Variants in GLYATL3 observed in about 807,000 individuals in gnomAD.
GLYATL3 encodes glycine-N-acyltransferase like 3.
A neutral mutation model predicts 28.5 loss-of-function variants in GLYATL3; 31 were observed. The observed-to-expected ratio is 1.09, with a 90% CI of 0.82 to 1.47. GLYATL3 has a LOEUF of 1.47. Ranked by LOEUF, GLYATL3 falls within the 40% of genes most tolerant of loss-of-function variation. The pLI is 0.00. For synonymous variants in GLYATL3, 141 were observed against 140.2 expected (o/e 1.01, Z -0.04); for missense variants, 369 against 351.5 (o/e 1.05, Z -0.40).
chr6:49,522,978 A>C (rs1561980272), intron 5 of GLYATL3, among the ~76,000 whole-genome samples: 1 of 152,046 alleles, frequency 6.6e-6, no homozygotes, highest in Admixed American at 6.6e-5. Flanking sequence ...AACTCTAAAA[A>C]ATGAGTCTTA....
chr6:49,503,271 A>G (rs1272157746), intron 1 of GLYATL3, among the ~76,000 whole-genome samples: 1 of 152,208 alleles, frequency 6.6e-6, no homozygotes, highest in Non-Finnish European at 1.5e-5. Flanking sequence ...ATAGTAGTGT[A>G]AATCAATCTG....
At position 49,512,078 on chromosome 6, in the gene GLYATL3, A is replaced by C. The variant is rs1373096501; in HGVS notation, c.78+10A>C. 9.3e-7 allele frequency: 1 copy of C among 1,079,750 alleles called. No homozygotes were observed. The highest frequency in any genetic ancestry group is 2.6e-5 in the East Asian group (1 of 38,488). The allele number at this position is 1,079,750 out of a possible 1,614,324, so 66.9% of individuals were successfully genotyped here. A position where few individuals can be genotyped will look rare whatever the true frequency, so the allele number is the denominator to read the frequency against. ...TCCTGAATCACTCAAGGTACCATAA[A>C]ATTAATAATTTTATTTTATTTCTTT... On this transcript the variant is annotated intron_variant, in intron 2 of 5. Transcript: ENST00000371197.
chr6:49,503,673 C>A (rs1768955883), intron 1 of GLYATL3, among the ~76,000 whole-genome samples: 1 of 152,150 alleles, frequency 6.6e-6, no homozygotes, highest in Non-Finnish European at 1.5e-5. Context: ...AATTTGTCAG[C>A]ATTTGAAGAC....
rs1377985399 is a variant in GLYATL3 at position 49,527,884 on chromosome 6, C to A, written c.*970C>A. Among the ~76,000 whole-genome samples the A allele has an allele frequency of 1.3e-5, 2 of 151,730 alleles. No homozygotes were observed. The highest frequency in any genetic ancestry group is 2.9e-5 in the Non-Finnish European group (2 of 67,946). ...ATTTTGATAAGATAATAAATTTTAA[C>A]CCTTTGATTACATATGAAAAATTTG... On this transcript the variant is annotated 3_prime_UTR_variant, in exon 6 of 6. Transcript: ENST00000371197.
chr6:49,517,666 C>T (rs1293835871), intron 4 of GLYATL3, 110 bp downstream of exon 4: 5 of 759,176 alleles, frequency 6.6e-6, no homozygotes, highest in East Asian at 5.9e-5. Flanking sequence ...ATTATCTATA[C>T]ACACCTGTAT....
chr6:49,512,472 T>C (rs571486855), intron 2 of GLYATL3, among the ~76,000 whole-genome samples: 1 of 152,128 alleles, frequency 6.6e-6, no homozygotes, highest in Non-Finnish European at 1.5e-5. Context: ...CCCTGGAAAC[T>C]ACACTTTTCA....
chr6:49,522,666 C>A (rs1022959982), intron 5 of GLYATL3, among the ~76,000 whole-genome samples: 3 of 152,090 alleles, frequency 2.0e-5, no homozygotes, highest in African/African-American at 7.2e-5. Context: ...AAAAATCACC[C>A]ACCTCAACGA....
intron 1 of GLYATL3, among the ~76,000 whole-genome samples, chr6:49,510,655 T>A (rs1441125817): frequency 6.6e-6 from 1 of 152,208 alleles, no homozygotes; most frequent in Non-Finnish European, 1.5e-5. Context: ...GATGAAAAAG[T>A]GAAGAGATGA....
chr6:49,525,960 T>C (rs1769403438), intron 5 of GLYATL3, among the ~76,000 whole-genome samples: 2 of 152,128 alleles, frequency 1.3e-5, no homozygotes, highest in Non-Finnish European at 2.9e-5. Context: ...CAAGTGAACA[T>C]AAAATTAGAA....
chr6:49,500,503 A>C (rs1289361494), intron 1 of GLYATL3, among the ~76,000 whole-genome samples: 1 of 152,246 alleles, frequency 6.6e-6, no homozygotes, highest in East Asian at 1.9e-4. Context: ...ATAAGACTTA[A>C]AAGTCTCCCA....
chr6:49,514,553 G>T (rs1455563564), intron 2 of GLYATL3, among the ~76,000 whole-genome samples: 1 of 152,164 alleles, frequency 6.6e-6, no homozygotes, highest in Non-Finnish European at 1.5e-5. Flanking sequence ...ATATGTGGCT[G>T]CATATGGTGG....
chr6:49,502,546 G>A (rs1285582716), intron 1 of GLYATL3, among the ~76,000 whole-genome samples: 2 of 152,160 alleles, frequency 1.3e-5, no homozygotes, highest in African/African-American at 4.8e-5. Context: ...TGAAATCTAT[G>A]TTCTAAACTT....
chr6:49,512,818 T>C (rs1305192757), intron 2 of GLYATL3, among the ~76,000 whole-genome samples: 1 of 152,208 alleles, frequency 6.6e-6, no homozygotes, highest in Non-Finnish European at 1.5e-5. Context: ...TTAATCCTTA[T>C]GTACATTAAA....
intron 4 of GLYATL3, among the ~76,000 whole-genome samples, chr6:49,517,877 T>C (rs1304894872): frequency 1.3e-5 from 2 of 152,170 alleles, no homozygotes; most frequent in Admixed American, 6.6e-5. Flanking sequence ...TCAGAGAATA[T>C]TTTTCCTTAT....
At position 49,527,091 on chromosome 6, in the gene GLYATL3, C is replaced by A; in HGVS notation, c.*177C>A. On this transcript the variant is annotated 3_prime_UTR_variant, in exon 6 of 6. Transcript: ENST00000371197. ...TTAATTTTTCGTATCTCAGGTTTCT[C>A]CAGTAAATAGCTGTGGGGGTGAAGA... is the stretch of plus-strand genomic sequence containing the variant. 1.8e-6 allele frequency: 1 copy of A among 565,554 alleles called. No individual in the cohort carries two copies. The highest frequency in any genetic ancestry group is 3.1e-6 in the Non-Finnish European group (1 of 323,030). The allele number at this position is 565,554 out of a possible 1,614,324, so 35.0% of individuals were successfully genotyped here. A position where few individuals can be genotyped will look rare whatever the true frequency, so the allele number is the denominator to read the frequency against.
chr6:49,524,029 C>T (rs1769359892), intron 5 of GLYATL3, among the ~76,000 whole-genome samples: 1 of 150,444 alleles, frequency 6.6e-6, no homozygotes, highest in Non-Finnish European at 1.5e-5. Context: ...ACTTCCCACA[C>T]AACACTGATG....
chr6:49,500,216 G>A (rs1768888287), intron 1 of GLYATL3, among the ~76,000 whole-genome samples, 174 bp downstream of exon 1: 1 of 151,960 alleles, frequency 6.6e-6, no homozygotes, highest in African/African-American at 2.4e-5. Context: ...TTTGTTTGGG[G>A]TTTTTTTAAC....
chr6:49,527,298 T>C lies in GLYATL3; in HGVS notation c.*384T>C, dbSNP rs577167752. ...TGCTTGGACCTCTGCTCTGTATTCT[T>C]AAAGCCACACCGCTTCCCTACTGCC... On this transcript the variant is annotated 3_prime_UTR_variant, in exon 6 of 6. Transcript: ENST00000371197. Among the ~76,000 whole-genome samples, 1 of 152,296 alleles carries C rather than the reference T, an allele frequency of 6.6e-6. No homozygotes were observed. Among genetic ancestry groups the C allele is most frequent in the Non-Finnish European group, 1.5e-5 (1 of 68,030 alleles).
chr6:49,524,000 CT>C (rs67853821), intron 5 of GLYATL3, among the ~76,000 whole-genome samples: 75,843 of 145,246 alleles, frequency 0.52, 20,199 homozygotes, highest in Non-Finnish European at 0.62. Flanking sequence ...GACATTTTGT[CT>C]TTTTTTTTTT....
Sources: allele counts gnomAD v4.1 joint callset (sites outside exome capture counted in the v4.1 genomes callset), GRCh38; gene constraint gnomAD v4.1.1; transcripts MANE v1.5; gene names NCBI Gene and HGNC (gene_info 2026-07-23, HGNC 2026-07-21).